Variants in ADAMTS19 observed in about 807,000 individuals in gnomAD.
The protein encoded by ADAMTS19 is A disintegrin and metalloproteinase with thrombospondin motifs 19.
Under a neutral mutation model 153.3 loss-of-function variants are expected in ADAMTS19, and 93 were observed. The ratio of observed to expected loss-of-function variants is 0.61; its 90% confidence interval spans 0.51 to 0.72. The LOEUF (loss-of-function observed/expected upper bound fraction) is 0.72, where lower values mean the gene tolerates loss of function less well. Ranked by LOEUF, ADAMTS19 falls within the 30% of genes least tolerant of loss-of-function variation. The pLI, the probability that ADAMTS19 is intolerant of heterozygous loss-of-function variation, is 0.00. For synonymous variants in ADAMTS19, 600 were observed against 556.6 expected, an observed-to-expected ratio of 1.08 and a Z score of -1.10; for missense variants, 1,482 against 1,552.1, an observed-to-expected ratio of 0.95 and a Z score of 0.76.
chr5:129,508,933 C>A, intron 2 of ADAMTS19, 144 bp from the exon 3 acceptor site: 1 of 540,642 alleles, frequency 1.8e-6, no homozygotes, highest in Non-Finnish European at 3.1e-6. Flanking sequence ...AAGATAGTTA[C>A]CTTGCTAGTG....
At chr5:129,622,374 G>T (rs759605891) in intron 10 of ADAMTS19, 26 bp downstream of exon 10, 2 of 1,613,328 alleles carry the variant, frequency 1.2e-6, no homozygotes, top group Non-Finnish European at 1.7e-6. Flanking sequence ...GGGATTTTGT[G>T]CGTTCATTCA....
chr5:129,522,328 CACACAT>C (rs1474966643), intron 3 of ADAMTS19, among the ~76,000 whole-genome samples: 1 of 88,198 alleles, frequency 1.1e-5, no homozygotes, highest in African/African-American at 5.8e-5. Flanking sequence ...CACACACACA[CACACAT>C]ATATATATAT....
chr5:129,585,913 CT>C (rs1389046433), intron 7 of ADAMTS19, among the ~76,000 whole-genome samples: 1 of 152,046 alleles, frequency 6.6e-6, no homozygotes, highest in Admixed American at 6.6e-5. Flanking sequence ...TTAAGATTCT[CT>C]TTTTTTCCTT....
intron 7 of ADAMTS19, among the ~76,000 whole-genome samples, chr5:129,594,127 C>T (rs1437803337): frequency 6.6e-6 from 1 of 152,016 alleles, no homozygotes; most frequent in Non-Finnish European, 1.5e-5. Context: ...CTCAGTATTG[C>T]CCATATATTT....
intron 2 of ADAMTS19, among the ~76,000 whole-genome samples, chr5:129,494,451 T>G (rs2126697050): frequency 6.6e-6 from 1 of 152,296 alleles, no homozygotes; most frequent in African/African-American, 2.4e-5. Flanking sequence ...CATGTACTAG[T>G]GCTCAGTCTT....
intron 6 of ADAMTS19, among the ~76,000 whole-genome samples, chr5:129,536,127 C>T (rs1158906051): frequency 6.6e-6 from 1 of 152,108 alleles, no homozygotes. Flanking sequence ...GAACAGGCAA[C>T]CTACACAATG....
At chr5:129,522,766 A>G (rs1000972546) in intron 3 of ADAMTS19, among the ~76,000 whole-genome samples, 1 of 152,054 alleles carries the variant, frequency 6.6e-6, no homozygotes, top group African/African-American at 2.4e-5. Context: ...CAAGAATCCA[A>G]GAGATAAGGC....
intron 21 of ADAMTS19, among the ~76,000 whole-genome samples, chr5:129,714,133 T>A (rs372767631): frequency 4.7e-4 from 72 of 152,266 alleles, no homozygotes; most frequent in African/African-American, 1.7e-3. Context: ...GAAAAATACA[T>A]ATCTGGCCGG....
chr5:129,602,638 T>G (rs1027628344), intron 8 of ADAMTS19, among the ~76,000 whole-genome samples: 14 of 152,210 alleles, frequency 9.2e-5, no homozygotes, highest in African/African-American at 3.4e-4. Context: ...TTTCATTAAG[T>G]ATATTGTAAA....
chr5:129,495,559 T>C (rs1750900539), intron 2 of ADAMTS19, among the ~76,000 whole-genome samples: 1 of 152,110 alleles, frequency 6.6e-6, no homozygotes, highest in African/African-American at 2.4e-5. Context: ...ATAAAAACTT[T>C]AATGGATAGT....
At chr5:129,684,331 T>G in intron 18 of ADAMTS19, 58 bp downstream of exon 18, 1 of 1,580,664 alleles carries the variant, frequency 6.3e-7, no homozygotes, top group South Asian at 1.2e-5. Context: ...TGATTAAGCA[T>G]TGATAATTAA....
intron 7 of ADAMTS19, among the ~76,000 whole-genome samples, chr5:129,575,439 C>T (rs992496406): frequency 2.0e-5 from 3 of 152,000 alleles, no homozygotes; most frequent in Non-Finnish European, 4.4e-5. Context: ...CCAGCTGTAT[C>T]CTTAAAGTTA....
chr5:129,591,323 T>G (rs1295463956), intron 7 of ADAMTS19, among the ~76,000 whole-genome samples: 2 of 151,708 alleles, frequency 1.3e-5, no homozygotes, highest in Non-Finnish European at 2.9e-5. Context: ...GATGGAGTCT[T>G]GCTCTATTGC....
At chr5:129,602,802 T>A (rs1750723303) in intron 8 of ADAMTS19, among the ~76,000 whole-genome samples, 1 of 150,592 alleles carries the variant, frequency 6.6e-6, no homozygotes, top group Admixed American at 6.6e-5. Flanking sequence ...GGAAACACAT[T>A]TTTGTATTGT....
Position 129,684,280 on chromosome 5 carries a change from G to A in ADAMTS19, c.2818+7G>A. ...GATGCCACTTGTGGAGGAGGTGAAG[G>A]ATTTTTAAACATTTATCTTTCCAAA... On this transcript the variant is annotated splice_region_variant and intron_variant, in intron 18 of 22. Transcript: ENST00000274487. The A allele has an allele frequency of 1.2e-6, 2 of 1,613,372 alleles. No individual in the cohort carries two copies. The highest frequency in any genetic ancestry group is 1.7e-6 in the Non-Finnish European group (2 of 1,179,712).
intron 12 of ADAMTS19, 23 bp downstream of exon 12, chr5:129,647,918 G>C: frequency 1.1e-5 from 17 of 1,596,960 alleles, no homozygotes; most frequent in Non-Finnish European, 1.5e-5. Flanking sequence ...TTCCTGGTTG[G>C]GGGAGGGCAC....
intron 2 of ADAMTS19, among the ~76,000 whole-genome samples, chr5:129,480,813 A>G (rs1259658742): frequency 6.6e-6 from 1 of 152,112 alleles, no homozygotes; most frequent in African/African-American, 2.4e-5. Flanking sequence ...ATTCCGCAAA[A>G]TGGATGAATG....
chr5:129,573,755 T>A (rs1453999180), intron 7 of ADAMTS19, among the ~76,000 whole-genome samples: 1 of 152,162 alleles, frequency 6.6e-6, no homozygotes, highest in Admixed American at 6.6e-5. Context: ...AAGTTGATTG[T>A]TCTTAAGATT....
At chr5:129,709,975 A>C (rs1426955126) in intron 21 of ADAMTS19, among the ~76,000 whole-genome samples, 1 of 145,490 alleles carries the variant, frequency 6.9e-6, no homozygotes, top group Non-Finnish European at 1.5e-5. Flanking sequence ...TTTTTTTTTT[A>C]ATTTAATTTT....
Sources: allele counts gnomAD v4.1 joint callset (sites outside exome capture counted in the v4.1 genomes callset), GRCh38; gene constraint gnomAD v4.1.1; transcripts MANE v1.5; gene names NCBI Gene and HGNC (gene_info 2026-07-23, HGNC 2026-07-21).